The following SCUBE1 variants were observed in gnomAD, a reference collection of about 807,000 sequenced individuals.
SCUBE1 encodes the protein signal peptide, CUB and EGF-like domain-containing protein 1.
Under a neutral mutation model 124.4 loss-of-function variants are expected in SCUBE1, and 59 were observed. The ratio of observed to expected loss-of-function variants is 0.47; its 90% CI spans 0.38 to 0.59. SCUBE1 has a LOEUF of 0.59. Among genes scored for constraint, SCUBE1 ranks in the 20% least tolerant of loss-of-function variants. The probability of loss-of-function intolerance (pLI) is 0.00; values close to 1 mark genes in which losing one functional copy is unlikely to be tolerated. For missense variants in SCUBE1, 1,150 were observed against 1,371.2 expected (o/e 0.84, Z 2.55); for synonymous variants, 545 against 550.9 (o/e 0.99, Z 0.15).
At chr22:43,285,913 G>C (rs1486790640) in intron 4 of SCUBE1, among the ~76,000 whole-genome samples, 1 of 152,222 alleles carries the variant, frequency 6.6e-6, no homozygotes, top group Admixed American at 6.5e-5. Flanking sequence ...AGATGAACCT[G>C]GGTGCAAGGA....
In SCUBE1 at chr22:43,229,133, C is replaced by T. The variant is rs760082183; in HGVS notation, c.1023G>A (p.Pro341=). Residue 341 remains proline, a synonymous_variant, in exon 9 of 22, where the codon CCG becomes CCA. Transcript: ENST00000360835. ...RTCDHICINS[P]GSFQCLCHRG... is the part of the protein sequence containing the mutation. Reference sequence around the variant, plus strand: ...GGTGACACAGGCACTGGAAGCTGCCCGGGGAGTTGATGCAGATGTGGTCAC... The same window carrying T: ...GGTGACACAGGCACTGGAAGCTGCCTGGGGAGTTGATGCAGATGTGGTCAC... 17 of 1,611,810 alleles carry T rather than the reference C, an allele frequency of 1.1e-5. No homozygotes were observed. Among genetic ancestry groups the T allele is most frequent in the Admixed American group, 3.3e-5 (2 of 59,912 alleles).
chr22:43,203,388 A>G lies in SCUBE1; in HGVS notation c.*609T>C, dbSNP rs1462427762. ...TATATATATATTTATATATATATTT[A>G]TATATATATATAGAGTACTTCATTA... On this transcript the variant is annotated 3_prime_UTR_variant, in exon 22 of 22. Coordinates refer to ENST00000360835, the MANE Select transcript of SCUBE1 (RefSeq NM_173050.5). The G allele has an allele frequency of 6.8e-6, 1 of 147,564 alleles. No homozygotes were observed. Among genetic ancestry groups the G allele is most frequent in the African/African-American group, 2.5e-5 (1 of 40,540 alleles). The allele number at this position is 147,564 out of a possible 1,614,324, so 9.1% of individuals were successfully genotyped here. A position where few individuals can be genotyped will look rare whatever the true frequency, so the allele number is the denominator to read the frequency against.
chr22:43,229,602 G>T (rs1370712468), intron 8 of SCUBE1, among the ~76,000 whole-genome samples: 3 of 152,108 alleles, frequency 2.0e-5, no homozygotes, highest in Non-Finnish European at 2.9e-5. Flanking sequence ...ATAAACCTAG[G>T]CCTCTTGGAT....
chr22:43,339,600 CTCTCCTCACTCTATCCCCT>C (rs1927202815), intron 1 of SCUBE1, among the ~76,000 whole-genome samples: 1 of 146,658 alleles, frequency 6.8e-6, no homozygotes, highest in African/African-American at 2.7e-5. Context: ...CCCTCCCCTA[CTCTCCTCACTCTATCCCCT>C]ACTCTCCTTA....
At chr22:43,242,275 T>A (rs1923035771) in intron 6 of SCUBE1, among the ~76,000 whole-genome samples, 2 of 152,220 alleles carry the variant, frequency 1.3e-5, no homozygotes, top group African/African-American at 4.8e-5. Flanking sequence ...TGGCCATCGC[T>A]CCAGCTCCCC....
chr22:43,221,275 G>A lies in SCUBE1; in HGVS notation c.1447C>T (p.Pro483Ser), dbSNP rs745318679. The change falls in exon 13 of 22, where the codon CCC (proline) becomes TCC (serine). Residue 483 changes from proline (P) to serine (S), a missense_variant. Around this residue, in one of 3 missense-constraint regions of SCUBE1, gnomAD observed 757 missense variants for 840.9 expected, o/e 0.90. Transcript: ENST00000360835. ...TTGAAGCGGGCCTTCTGTTTGATGGGGGTGGTGGGGGCATCTGGGGAAAGC... is the reference window on the plus strand; with the variant it reads ...TTGAAGCGGGCCTTCTGTTTGATGGAGGTGGTGGGGGCATCTGGGGAAAGC... ...GPSCSDAPTT[P>S]IKQKARFKIR... 4 of 1,609,806 alleles carry A rather than the reference G, an allele frequency of 2.5e-6. No homozygotes were observed. The African/African-American group carries it at 4.0e-5, about 16-fold the overall frequency.
chr22:43,205,562 T>C (rs13053326), intron 21 of SCUBE1, among the ~76,000 whole-genome samples: 5,954 of 151,674 alleles, frequency 0.039, 144 homozygotes, highest in South Asian at 0.058. Context: ...CTCATCTCTG[T>C]GTACACACCC....
chr22:43,248,102 G>A (rs954395744), intron 6 of SCUBE1, among the ~76,000 whole-genome samples: 4 of 152,256 alleles, frequency 2.6e-5, no homozygotes, highest in Admixed American at 2.6e-4. Flanking sequence ...GGGAGACAGG[G>A]AGGCTGGGCC....
At chr22:43,298,966 G>C (rs1370554254) in intron 3 of SCUBE1, among the ~76,000 whole-genome samples, 1 of 152,140 alleles carries the variant, frequency 6.6e-6, no homozygotes, top group East Asian at 1.9e-4. Flanking sequence ...GCAGGAGCAT[G>C]GTGTGAACCC....
chr22:43,265,637 GA>G, intron 4 of SCUBE1, among the ~76,000 whole-genome samples: 1 of 152,368 alleles, frequency 6.6e-6, no homozygotes, highest in Non-Finnish European at 1.5e-5. Flanking sequence ...ACGGGCCAGT[GA>G]TTGTTAGTGG....
chr22:43,298,921 G>A (rs975185387), intron 3 of SCUBE1, among the ~76,000 whole-genome samples: 9 of 151,978 alleles, frequency 5.9e-5, no homozygotes, highest in Admixed American at 1.3e-4. Flanking sequence ...GCATGGTGGC[G>A]GGTGCCTGTA....
intron 8 of SCUBE1, among the ~76,000 whole-genome samples, chr22:43,229,826 A>G (rs1922481472): frequency 6.6e-6 from 1 of 152,200 alleles, no homozygotes; most frequent in East Asian, 1.9e-4. Flanking sequence ...AAAGGAAAAA[A>G]TGAACCACCA....
At position 43,239,088 on chromosome 22, in the gene SCUBE1, C is replaced by A. The variant is rs918893965; in HGVS notation, c.728-134G>T. On this transcript the variant is annotated intron_variant, in intron 6 of 21. Transcript: ENST00000360835. ...GCTCTGGCTCTGATATACTCTCTGG[C>A]TGTGGGACTCTAGGGAAGCTGTGCT... The A allele has an allele frequency of 1.3e-5, 9 of 668,826 alleles. No homozygotes were observed. In the African/African-American group the frequency reaches 1.4e-4, roughly 11 times the overall value. 41.4% of individuals were successfully genotyped at this position (668,826 alleles called of 1,614,324 possible).
intron 4 of SCUBE1, among the ~76,000 whole-genome samples, chr22:43,284,627 T>C (rs1925057712): frequency 6.6e-6 from 1 of 152,220 alleles, no homozygotes; most frequent in African/African-American, 2.4e-5. Context: ...AACCTCTCAG[T>C]GCCTCAAGTT....
intron 13 of SCUBE1, 120 bp downstream of exon 13, chr22:43,221,053 G>A: frequency 3.0e-6 from 2 of 670,784 alleles, no homozygotes; most frequent in Non-Finnish European, 5.1e-6. Flanking sequence ...CAGCTGCCAG[G>A]TGAGAGAGAC....
At chr22:43,223,278 G>T (rs556056996) in intron 10 of SCUBE1, 62 bp from the exon 11 acceptor site, 561 of 1,522,538 alleles carry the variant, frequency 3.7e-4, no homozygotes, top group Non-Finnish European at 4.8e-4. Context: ...CTGGAGCCAG[G>T]AGGGTCCTGG....
chr22:43,276,292 G>A (rs1924514184), intron 4 of SCUBE1, among the ~76,000 whole-genome samples: 1 of 152,222 alleles, frequency 6.6e-6, no homozygotes, highest in African/African-American at 2.4e-5. Flanking sequence ...AGAGCTAGGA[G>A]AGGGCTGAGG....
At position 43,199,125 on chromosome 22, in the gene SCUBE1, G is replaced by A. The variant is rs1474598646; in HGVS notation, c.*4872C>T. 3.9e-5 allele frequency: 2 copies of A among 51,284 alleles called. No homozygotes were observed. The highest frequency in any genetic ancestry group is 5.2e-4 in the East Asian group (2 of 3,868). The allele number at this position is 51,284 out of a possible 1,614,324, so 3.2% of individuals were successfully genotyped here. On this transcript the variant is annotated 3_prime_UTR_variant, in exon 22 of 22. Transcript: ENST00000360835. The stretch of plus-strand genomic sequence containing the variant: ...CTGGGGCAGTTTGTCATCTGTGCAG[G>A]GCACCAACTCCCTGTCTTTCTAGGA...
rs185229414 is a variant in SCUBE1, at chr22:43,341,849, C to G, written c.88+1325G>C. Among the ~76,000 whole-genome samples, 186 of 151,964 alleles carry G rather than the reference C, an allele frequency of 1.2e-3. 1 individual carries two copies. The highest frequency in any genetic ancestry group is 2.0e-3 in the Non-Finnish European group (139 of 67,970). On this transcript the variant is annotated intron_variant, in intron 1 of 21. Transcript: ENST00000360835. Reference sequence around the variant, plus strand: ...GTCACAGGGCTTCCACGGAGAGGGTCGTGGAGGAGACAGAGTCAGATACAG... The same window carrying G: ...GTCACAGGGCTTCCACGGAGAGGGTGGTGGAGGAGACAGAGTCAGATACAG...
Sources: gnomAD v4.1 joint callset for allele counts (sites outside exome capture counted in the v4.1 genomes callset) on GRCh38, gnomAD v4.1.1 for gene constraint, gnomAD v4.1.1 regional missense constraint, MANE v1.5 for transcripts, NCBI Gene and HGNC (gene_info 2026-07-23, HGNC 2026-07-21) for gene names.